PDE1C: variants seen among roughly 807,000 people sequenced by gnomAD.
The protein encoded by PDE1C is dual specificity calcium/calmodulin-dependent 3',5'-cyclic nucleotide phosphodiesterase 1C.
In PDE1C, 62 loss-of-function variants were observed where a neutral mutation model predicts 93.1. The ratio of observed to expected loss-of-function variants is 0.67; its 90% CI spans 0.54 to 0.82. The LOEUF (loss-of-function observed/expected upper bound fraction) is 0.82, where lower values mean the gene tolerates loss of function less well. PDE1C is among the 40% of genes least tolerant of loss of function. PDE1C has a pLI of 0.00. For synonymous variants in PDE1C, 325 were observed against 310.1 expected, an observed-to-expected ratio of 1.05 and a Z score of -0.50; for missense variants, 742 against 884.6, an observed-to-expected ratio of 0.84 and a Z score of 2.04.
the PDE1C span, among the ~76,000 whole-genome samples, chr7:31,621,631 G>A: frequency 3.1e-4 from 46 of 147,844 alleles, no homozygotes; most frequent in Middle Eastern, 3.2e-3. Context: ...AGGAACAACT[G>A]GTACCAGACA....
At chr7:32,230,376 C>A (rs779829979) in intron 1 of PDE1C, among the ~76,000 whole-genome samples, 4 of 152,160 alleles carry the variant, frequency 2.6e-5, no homozygotes, top group Non-Finnish European at 5.9e-5. Flanking sequence ...GAGAAGAATG[C>A]CCGTTCAGCC....
chr7:32,126,925 A>G (rs547544177), intron 3 of PDE1C, among the ~76,000 whole-genome samples: 1 of 152,106 alleles, frequency 6.6e-6, no homozygotes, highest in Non-Finnish European at 1.5e-5. Context: ...ATGCCCAAAC[A>G]TTTGGCCAAG....
At chr7:31,964,701 AC>A (rs1359173662) in intron 2 of PDE1C, among the ~76,000 whole-genome samples, 2 of 152,050 alleles carry the variant, frequency 1.3e-5, no homozygotes, top group Non-Finnish European at 2.9e-5. Context: ...CTGGGAGGCA[AC>A]CCCCCAATAG....
At chr7:32,094,110 A>G (rs1209533698) in intron 3 of PDE1C, among the ~76,000 whole-genome samples, 2 of 152,172 alleles carry the variant, frequency 1.3e-5, no homozygotes, top group African/African-American at 4.8e-5. Flanking sequence ...ATGTCTAACA[A>G]CTGGCTCTCA....
the PDE1C span, chr7:31,642,266 G>A: frequency 3.6e-5 from 55 of 1,543,196 alleles, no homozygotes; most frequent in Admixed American, 4.0e-5. Flanking sequence ...CAGGTAGGAG[G>A]GTTTGGAACA....
In PDE1C at chr7:31,930,260, T is replaced by G. The variant is rs192892774; in HGVS notation, c.129-49400A>C. ...ATAACAAGTTCTGAAATTGAGGCAG[T>G]AATTAATAGACTACCAACCAAAAAG... On this transcript the variant is annotated intron_variant, in intron 2 of 17. Coordinates refer to ENST00000396191, the MANE Select transcript of PDE1C (RefSeq NM_001191057.4). Among the ~76,000 whole-genome samples, 29 of 152,324 alleles carry G rather than the reference T, an allele frequency of 1.9e-4. No homozygotes were observed. In the East Asian group the frequency reaches 5.2e-3, roughly 27 times the overall value.
intron 9 of PDE1C, among the ~76,000 whole-genome samples, chr7:31,842,087 C>A (rs1374735320): frequency 6.6e-6 from 1 of 152,156 alleles, no homozygotes; most frequent in South Asian, 2.1e-4. Flanking sequence ...ACAGAAACAA[C>A]AGAATAATGC....
chr7:31,873,885 G>C (rs1331760611), intron 5 of PDE1C, among the ~76,000 whole-genome samples: 1 of 152,132 alleles, frequency 6.6e-6, no homozygotes, highest in African/African-American at 2.4e-5. Flanking sequence ...ATTCACTACA[G>C]CCTACGATGC....
intron 1 of PDE1C, among the ~76,000 whole-genome samples, chr7:32,264,909 T>G (rs1585048697): frequency 6.6e-6 from 1 of 152,356 alleles, no homozygotes; most frequent in East Asian, 1.9e-4. Context: ...GATCCTTTTT[T>G]GTTCCCCCAG....
intron 16 of PDE1C, chr7:31,789,844 C>CTG: frequency 9.9e-7 from 1 of 1,013,044 alleles, no homozygotes. Flanking sequence ...ATGGCAATTA[C>CTG]TGTGTGTGTG....
chr7:31,996,288 C>T (rs2128547783), intron 2 of PDE1C, among the ~76,000 whole-genome samples: 1 of 152,100 alleles, frequency 6.6e-6, no homozygotes, highest in South Asian at 2.1e-4. Context: ...CCAGCCCAGC[C>T]CCAAGCTAGA....
chr7:32,302,444 G>A (rs909749444), upstream of PDE1C, among the ~76,000 whole-genome samples: 10 of 152,176 alleles, frequency 6.6e-5, no homozygotes, highest in African/African-American at 2.4e-4. Flanking sequence ...CTGCAAGGAA[G>A]TAGAGGAGGA....
intron 1 of PDE1C, among the ~76,000 whole-genome samples, chr7:32,313,492 T>G (rs564843115): frequency 6.6e-6 from 1 of 152,020 alleles, no homozygotes; most frequent in South Asian, 2.1e-4. Context: ...AGCAAAGACT[T>G]GGAACCAACC....
chr7:32,227,033 C>A (rs1363875716), intron 1 of PDE1C, among the ~76,000 whole-genome samples: 1 of 152,176 alleles, frequency 6.6e-6, no homozygotes, highest in Non-Finnish European at 1.5e-5. Context: ...CCTCCCTTTC[C>A]CCAAACGCAC....
chr7:32,190,688 C>T (rs917765585), intron 2 of PDE1C, among the ~76,000 whole-genome samples: 18 of 152,086 alleles, frequency 1.2e-4, no homozygotes, highest in East Asian at 5.8e-4. Flanking sequence ...TGAACACCTA[C>T]GATACACTGA....
the PDE1C span, among the ~76,000 whole-genome samples, chr7:31,717,247 T>C: frequency 2.4e-4 from 36 of 152,374 alleles, no homozygotes; most frequent in African/African-American, 8.4e-4. Flanking sequence ...TTTGAATTTC[T>C]TTATACATTT....
the PDE1C span, among the ~76,000 whole-genome samples, chr7:31,675,913 T>C: frequency 3.3e-5 from 5 of 152,138 alleles, no homozygotes; most frequent in Admixed American, 3.3e-4. Context: ...TGACAAGGTA[T>C]CCATCTGAAG....
chr7:31,927,939 T>G (rs1803621360), intron 2 of PDE1C, among the ~76,000 whole-genome samples: 1 of 151,770 alleles, frequency 6.6e-6, no homozygotes, highest in African/African-American at 2.4e-5. Context: ...GGAGAATGAG[T>G]TTGACGAATT....
At chr7:31,933,452 A>T (rs940766819) in intron 2 of PDE1C, among the ~76,000 whole-genome samples, 1 of 152,200 alleles carries the variant, frequency 6.6e-6, no homozygotes, top group Non-Finnish European at 1.5e-5. Context: ...TTCAACACCA[A>T]TTATTGTATT....
Sources: gnomAD v4.1 joint callset for allele counts (sites outside exome capture counted in the v4.1 genomes callset) on GRCh38, gnomAD v4.1.1 for gene constraint, MANE v1.5 for transcripts, NCBI Gene and HGNC (gene_info 2026-07-23, HGNC 2026-07-21) for gene names.